SETD1B: variants seen among roughly 807,000 people sequenced by gnomAD.
SETD1B encodes SET domain containing 1B, histone lysine methyltransferase.
In SETD1B, 7 loss-of-function variants were observed where a neutral mutation model predicts 148.0. That is an observed-to-expected ratio of 0.05 (90% CI 0.03 to 0.09). SETD1B has a LOEUF of 0.09. Ranked by LOEUF, SETD1B falls within the 10% of genes least tolerant of loss-of-function variation. SETD1B has a pLI of 1.00. For missense variants in SETD1B, 2,155 were observed against 2,729.9 expected, an observed-to-expected ratio of 0.79 and a Z score of 4.69; for synonymous variants, 1,361 against 1,186.5, an observed-to-expected ratio of 1.15 and a Z score of -3.02.
In SETD1B at chr12:121,809,837, T is replaced by TA. The variant is rs1875928990; in HGVS notation, c.893dup (p.Tyr298Ter). ...CTCCAGCCGCCAGCCCACACCCTCA[T>TA]ACCTCTTCAGCCAGGACCCTGCAGT... ...SYSSRQPTPS[Y>*]LFSQDPAVTF... The change falls in exon 6 of 17, where the codon TAC (tyrosine) becomes TAAC (stop). Residue 298 changes from tyrosine (Y) to a stop codon, truncating the protein, a stop_gained and frameshift_variant. Transcript: ENST00000604567. LOFTEE classifies it high-confidence loss of function. 6.4e-7 allele frequency: 1 copy of TA among 1,551,338 alleles called. No individual in the cohort carries two copies.
chr12:121,791,476 A>G, the SETD1B span, among the ~76,000 whole-genome samples: 1 of 152,166 alleles, frequency 6.6e-6, no homozygotes. Context: ...TCTGACTCCA[A>G]AGAGGATGGC....
chr12:121,812,099 C>T (rs1876062068), intron 6 of SETD1B, among the ~76,000 whole-genome samples: 1 of 151,994 alleles, frequency 6.6e-6, no homozygotes, highest in East Asian at 1.9e-4. Flanking sequence ...CGGCCGCCAG[C>T]GCAGGGAGTC....
At chr12:121,806,850 A>G (rs980985505) in intron 4 of SETD1B, among the ~76,000 whole-genome samples, 1 of 152,214 alleles carries the variant, frequency 6.6e-6, no homozygotes, top group Non-Finnish European at 1.5e-5. Context: ...AGGCCCCTGC[A>G]GGACCAAGGG....
the SETD1B span, chr12:121,793,075 C>G: frequency 1.6e-6 from 2 of 1,267,882 alleles, no homozygotes; most frequent in Non-Finnish European, 1.1e-6. Flanking sequence ...GCGGGGACAC[C>G]CAGTGGGGGA....
Position 121,822,516 on chromosome 12 carries a change from C to A in SETD1B, c.3937C>A (p.Pro1313Thr). Residue 1313 changes from proline (P) to threonine (T), a missense_variant, in exon 12 of 17, where the codon CCC becomes ACC. Coordinates refer to ENST00000604567, the MANE Select transcript of SETD1B (RefSeq NM_001353345.2). The part of the protein sequence containing the change: ...PEHDLEVEPE[P>T]PMMLPLPLQP... ...ACATGACCTGGAAGTGGAGCCGGAG[C>A]CCCCTATGATGCTCCCCTTGCCGCT... The A allele has an allele frequency of 6.5e-7, 1 of 1,546,514 alleles. No individual in the cohort carries two copies. The highest frequency in any genetic ancestry group is 1.4e-5 in the African/African-American group (1 of 72,918).
In SETD1B at chr12:121,817,966, C is replaced by A; in HGVS notation, c.3418+62C>A. The A allele has an allele frequency of 7.0e-7, 1 of 1,438,520 alleles. No individual in the cohort carries two copies. Among genetic ancestry groups the A allele is most frequent in the Non-Finnish European group, 9.3e-7 (1 of 1,081,060 alleles). 89.1% of individuals were successfully genotyped at this position (1,438,520 alleles called of 1,614,324 possible). On this transcript the variant is annotated intron_variant, in intron 10 of 16. Coordinates refer to ENST00000604567, the MANE Select transcript of SETD1B (RefSeq NM_001353345.2). The surrounding 1 kb of genome is among the most constrained non-coding windows in gnomAD (Gnocchi z 8.1). Reference sequence around the variant, plus strand: ...AGTCCCTCTTTCCCCGGGGCAGAGCCTGAGCAATTGTCAGAAATACTTCTG... The same window carrying A: ...AGTCCCTCTTTCCCCGGGGCAGAGCATGAGCAATTGTCAGAAATACTTCTG...
At position 121,823,421 on chromosome 12, in the gene SETD1B, C is replaced by G. The variant is rs894130615; in HGVS notation, c.4842C>G (p.Pro1614=). ...TTAAGGAGCTAGACAACCAGTGGCC[C>G]TCCGAGGCCATTCCTCCGGGCCCCC... is the stretch of plus-strand genomic sequence containing the variant. The part of the protein sequence containing the change: ...LPFKELDNQW[P]SEAIPPGPRG... The change falls in exon 12 of 17, where the codon CCC becomes CCG. Residue 1614 remains proline (P), a synonymous_variant. Transcript: ENST00000604567. 6.5e-7 allele frequency: 1 copy of G among 1,546,900 alleles called. No individual in the cohort carries two copies. Among genetic ancestry groups the G allele is most frequent in the Non-Finnish European group, 8.7e-7 (1 of 1,146,406 alleles).
At chr12:121,803,016 C>CG (rs1875471618), upstream of SETD1B, 1 of 137,868 alleles carries the variant, frequency 7.3e-6, no homozygotes, top group African/African-American at 2.7e-5. The surrounding 1 kb of genome is among the most constrained non-coding windows in gnomAD (Gnocchi z 4.7). Flanking sequence ...GGCTGCCGCG[C>CG]CCTGCCGCCC....
At chr12:121,811,276 G>C (rs1876020705) in intron 6 of SETD1B, among the ~76,000 whole-genome samples, 1 of 152,082 alleles carries the variant, frequency 6.6e-6, no homozygotes, top group South Asian at 2.1e-4. Flanking sequence ...AGAGAGATTG[G>C]CCAGAATACT....
chr12:121,807,217 G>A (rs1875787328), intron 4 of SETD1B, among the ~76,000 whole-genome samples: 2 of 152,070 alleles, frequency 1.3e-5, no homozygotes, highest in Non-Finnish European at 2.9e-5. Context: ...GCCTGTGCCC[G>A]GTTCTGTTCC....
At chr12:121,797,353 G>C in the SETD1B span, 1 of 430,776 alleles carries the variant, frequency 2.3e-6, no homozygotes, top group Admixed American at 2.5e-5. Flanking sequence ...CCCAGCGCCA[G>C]CAGCGGCCCC....
Position 121,825,274 on chromosome 12 carries a change from A to G in SETD1B, c.5245A>G (p.Ser1749Gly). 1 of 1,551,868 alleles carries G rather than the reference A, an allele frequency of 6.4e-7. No homozygotes were observed. Among genetic ancestry groups the G allele is most frequent in the Non-Finnish European group, 8.7e-7 (1 of 1,147,068 alleles). ...CGAGCACGTGACGGGCTGTGCCCGC[A>G]GTGAGGGCTTCTACACCATCGACAA... ...IREHVTGCAR[S>G]EGFYTIDKKD... is the part of the protein sequence containing the mutation. Residue 1749 changes from serine (S) to glycine (G), a missense_variant, in exon 13 of 17, where the codon AGT (serine) becomes GGT (glycine). Physicochemically the swap from Ser to Gly is moderately conservative, Grantham distance 56. Transcript: ENST00000604567.
rs141206494 is a variant in SETD1B, at chr12:121,808,334, C to T, written c.657+14C>T. 1.1e-3 allele frequency: 1,670 copies of T among 1,531,286 alleles called. 4 individuals carry two copies. The highest frequency in any genetic ancestry group is 1.4e-3 in the Non-Finnish European group (1,527 of 1,129,228). The allele number at this position is 1,531,286 out of a possible 1,614,324, so 94.9% of individuals were successfully genotyped here. On this transcript the variant is annotated intron_variant, in intron 5 of 16. Coordinates refer to ENST00000604567, the MANE Select transcript of SETD1B (RefSeq NM_001353345.2). This position sits in a 1 kb window ranked among gnomAD's most constrained non-coding sequence, Gnocchi z 5.3. ...GAGACCCTGCAGGTGGGTTTATGGC[C>T]GTCAGTCTGCCCCATCGCCAGCTCT... is the stretch of plus-strand genomic sequence containing the variant.
At position 121,828,089 on chromosome 12, in the gene SETD1B, G is replaced by T. The variant is rs1389081509; in HGVS notation, c.5727+19G>T. On this transcript the variant is annotated intron_variant, in intron 16 of 16. Coordinates refer to ENST00000604567, the MANE Select transcript of SETD1B (RefSeq NM_001353345.2). ...CTGCAACGTGAGTGCCCAGCGGGGG[G>T]TGGCCCCTGCCCCTGCTCCTGCCCC... 1.3e-6 allele frequency: 2 copies of T among 1,550,760 alleles called. No homozygotes were observed. Among genetic ancestry groups the T allele is most frequent in the East Asian group, 4.9e-5 (2 of 40,946 alleles).
At chr12:121,829,512 A>T (rs1273315379) in intron 16 of SETD1B, among the ~76,000 whole-genome samples, 1 of 152,176 alleles carries the variant, frequency 6.6e-6, no homozygotes, top group Non-Finnish European at 1.5e-5. Context: ...CAAAGACAGT[A>T]CCCAGGGCTG....
At chr12:121,829,456 G>T (rs546012612) in intron 16 of SETD1B, among the ~76,000 whole-genome samples, 1 of 152,208 alleles carries the variant, frequency 6.6e-6, no homozygotes, top group Non-Finnish European at 1.5e-5. Flanking sequence ...GTGGTGCAGC[G>T]GCTGCCCAGA....
At position 121,805,699 on chromosome 12, in the gene SETD1B, T is replaced by A. The variant is rs1278855801; in HGVS notation, c.274-136T>A. 1.2e-6 allele frequency: 1 copy of A among 859,464 alleles called. No individual in the cohort carries two copies. The highest frequency in any genetic ancestry group is 1.8e-5 in the African/African-American group (1 of 56,834). The allele number at this position is 859,464 out of a possible 1,614,324, so 53.2% of individuals were successfully genotyped here. A position where few individuals can be genotyped will look rare whatever the true frequency, so the allele number is the denominator to read the frequency against. On this transcript the variant is annotated intron_variant, in intron 3 of 16. Coordinates refer to ENST00000604567, the MANE Select transcript of SETD1B (RefSeq NM_001353345.2). This position sits in a 1 kb window ranked among gnomAD's most constrained non-coding sequence, Gnocchi z 4.2. Reference sequence around the variant, plus strand: ...TTTTTTCCAAAAAAAATTTTTTTTTTTTTTTTAATTTTTAGTTTTTTTACC... The same window carrying A: ...TTTTTTCCAAAAAAAATTTTTTTTTATTTTTTAATTTTTAGTTTTTTTACC...
At position 121,823,419 on chromosome 12, in the gene SETD1B, C is replaced by T. The variant is rs1318034820; in HGVS notation, c.4840C>T (p.Pro1614Ser). ...CTTTAAGGAGCTAGACAACCAGTGG[C>T]CCTCCGAGGCCATTCCTCCGGGCCC... ...LPFKELDNQW[P>S]SEAIPPGPRG... Residue 1614 changes from proline to serine, a missense_variant, in exon 12 of 17, where the codon CCC becomes TCC. Pro to Ser is a moderately conservative substitution (Grantham distance 74). Coordinates refer to ENST00000604567, the MANE Select transcript of SETD1B (RefSeq NM_001353345.2). The T allele has an allele frequency of 6.5e-7, 1 of 1,544,774 alleles. No individual in the cohort carries two copies. The highest frequency in any genetic ancestry group is 2.0e-5 in the Admixed American group (1 of 50,072).
upstream of SETD1B, chr12:121,801,809 C>CTGG: frequency 6.6e-6 from 1 of 152,282 alleles, no homozygotes; most frequent in South Asian, 2.1e-4. Flanking sequence ...GTTTACTGCT[C>CTGG]TGGATATAGC....
Sources: gnomAD v4.1 joint callset for allele counts (sites outside exome capture counted in the v4.1 genomes callset) on GRCh38, gnomAD v4.1.1 for gene constraint, Gnocchi (gnomAD v3.1) non-coding constraint, MANE v1.5 for transcripts, NCBI Gene and HGNC (gene_info 2026-07-23, HGNC 2026-07-21) for gene names.